The following FHIT variants were observed in gnomAD, a reference collection of about 807,000 sequenced individuals.
FHIT encodes the protein bis(5'-adenosyl)-triphosphatase.
FHIT carries 19 observed loss-of-function variants against 17.9 expected under a neutral mutation model. The ratio of observed to expected loss-of-function variants is 1.06; its 90% CI spans 0.74 to 1.56. FHIT has a LOEUF of 1.56. Among genes scored for constraint, FHIT ranks in the 40% most tolerant of loss-of-function variants. The pLI, the probability that FHIT is intolerant of heterozygous loss-of-function variation, is 0.00. For synonymous variants in FHIT, 81 were observed against 69.7 expected (o/e 1.16, Z -0.81); for missense variants, 248 against 189.2 (o/e 1.31, Z -1.82).
chr3:60,648,505 G>A lies in FHIT; in HGVS notation c.-17-111526C>T, dbSNP rs369882704. Among the ~76,000 whole-genome samples, 3 of 152,178 alleles carry A rather than the reference G, an allele frequency of 2.0e-5. No homozygotes were observed. The East Asian group carries it at 5.8e-4, about 29-fold the overall frequency. On this transcript the variant is annotated intron_variant, in intron 4 of 9. Coordinates refer to ENST00000492590, the MANE Select transcript of FHIT (RefSeq NM_002012.4). ...GGAGTTGGGGGTGAAGGATTTGGGG[G>A]AGGGTAGAAGCCTAAAGCAAAGGAA...
chr3:59,948,725 C>T (rs113557064), intron 7 of FHIT, among the ~76,000 whole-genome samples: 56 of 152,008 alleles, frequency 3.7e-4, no homozygotes, highest in East Asian at 1.2e-3. Context: ...GGGCTGGTGA[C>T]GTTGAGTATC....
chr3:60,655,664 T>C (rs1207523765), intron 4 of FHIT, among the ~76,000 whole-genome samples: 1 of 152,104 alleles, frequency 6.6e-6, no homozygotes, highest in Non-Finnish European at 1.5e-5. Flanking sequence ...ATTTATTCTG[T>C]ATTCTCCTCG....
At chr3:60,208,217 T>C (rs1326645810) in intron 5 of FHIT, among the ~76,000 whole-genome samples, 1 of 152,192 alleles carries the variant, frequency 6.6e-6, no homozygotes, top group East Asian at 1.9e-4. Context: ...GCTGAGGAAA[T>C]TTCCACTGCC....
intron 2 of FHIT, among the ~76,000 whole-genome samples, chr3:61,134,451 G>A (rs2036856056): frequency 6.6e-6 from 1 of 152,084 alleles, no homozygotes; most frequent in African/African-American, 2.4e-5. Context: ...ATGGTCTGTG[G>A]GCCCACAGGA....
intron 3 of FHIT, among the ~76,000 whole-genome samples, chr3:60,984,109 G>A (rs9836650): frequency 0.013 from 1,974 of 152,262 alleles, 38 homozygotes; most frequent in African/African-American, 0.044. Context: ...TGCAGGAAAA[G>A]AGAATGCCAT....
rs185705147 is a variant in FHIT, at chr3:60,246,413, C to T, written c.104-232261G>A. Among the ~76,000 whole-genome samples the T allele has an allele frequency of 4.6e-5, 7 of 152,096 alleles. No homozygotes were observed. The East Asian group carries it at 1.4e-3, about 29-fold the overall frequency. On this transcript the variant is annotated intron_variant, in intron 5 of 9. Coordinates refer to ENST00000492590, the MANE Select transcript of FHIT (RefSeq NM_002012.4). The stretch of plus-strand genomic sequence containing the variant: ...TCTCTTTTACTTTACAAACTAGAAA[C>T]AAACAGTTCACAGGTTTCTTAACAT...
chr3:60,663,469 CTT>C (rs2040310000), intron 4 of FHIT, among the ~76,000 whole-genome samples: 1 of 151,740 alleles, frequency 6.6e-6, no homozygotes, highest in Admixed American at 6.6e-5. Context: ...GAATTTCACT[CTT>C]GTTGCCCAGG....
chr3:60,307,291 T>C (rs1231073857), intron 5 of FHIT, among the ~76,000 whole-genome samples: 2 of 152,176 alleles, frequency 1.3e-5, no homozygotes, highest in African/African-American at 4.8e-5. Context: ...ACACACCATC[T>C]TGTCATTTGA....
At chr3:60,739,244 G>A (rs2042196427) in intron 4 of FHIT, among the ~76,000 whole-genome samples, 1 of 152,226 alleles carries the variant, frequency 6.6e-6, no homozygotes, top group African/African-American at 2.4e-5. Context: ...TTGGGATACA[G>A]AAAGCTGTCA....
chr3:59,778,549 C>T (rs1023992852), intron 8 of FHIT, among the ~76,000 whole-genome samples: 8 of 152,156 alleles, frequency 5.3e-5, no homozygotes, highest in African/African-American at 1.7e-4. Flanking sequence ...ATGGTCTCTG[C>T]CACAAATACT....
At chr3:61,062,000 T>C (rs1389742509) in intron 2 of FHIT, among the ~76,000 whole-genome samples, 1 of 152,192 alleles carries the variant, frequency 6.6e-6, no homozygotes, top group Non-Finnish European at 1.5e-5. Flanking sequence ...TGTCAATTCA[T>C]AGAGATGCTT....
At chr3:59,957,995 C>T (rs1467667351) in intron 7 of FHIT, among the ~76,000 whole-genome samples, 1 of 152,182 alleles carries the variant, frequency 6.6e-6, no homozygotes, top group Non-Finnish European at 1.5e-5. Context: ...GTGTGTGTAA[C>T]TGTGTGGGAA....
chr3:60,772,173 T>C (rs922174435), intron 4 of FHIT, among the ~76,000 whole-genome samples: 2 of 151,820 alleles, frequency 1.3e-5, no homozygotes, highest in Non-Finnish European at 2.9e-5. Context: ...AAAGTTGCAG[T>C]TGGAATTTGG....
At chr3:60,686,096 C>A (rs958845333) in intron 4 of FHIT, among the ~76,000 whole-genome samples, 2 of 152,026 alleles carry the variant, frequency 1.3e-5, no homozygotes, top group Admixed American at 6.6e-5. Flanking sequence ...ATATGGACTT[C>A]GGGATTGGAT....
intron 8 of FHIT, among the ~76,000 whole-genome samples, chr3:59,829,513 C>T (rs1342213841): frequency 6.6e-6 from 1 of 152,200 alleles, no homozygotes. Context: ...CTGCCTTACT[C>T]ATAGCACTGA....
intron 1 of FHIT, among the ~76,000 whole-genome samples, chr3:61,210,947 C>G (rs944629165): frequency 6.6e-6 from 1 of 151,984 alleles, no homozygotes; most frequent in South Asian, 2.1e-4. Flanking sequence ...CATCTTGGCT[C>G]CATCCCCCGT....
chr3:60,895,954 C>CTGG (rs1553761841), intron 3 of FHIT, among the ~76,000 whole-genome samples: 1 of 151,850 alleles, frequency 6.6e-6, no homozygotes. Flanking sequence ...AGGCTGCAGA[C>CTGG]TGGTACCAGT....
chr3:61,212,831 G>T (rs1038538162), intron 1 of FHIT, among the ~76,000 whole-genome samples: 1 of 152,226 alleles, frequency 6.6e-6, no homozygotes, highest in Non-Finnish European at 1.5e-5. Flanking sequence ...AGCCAGAAGA[G>T]AGTGGAGGAG....
chr3:60,465,695 G>T (rs988279198), intron 5 of FHIT, among the ~76,000 whole-genome samples: 2 of 152,006 alleles, frequency 1.3e-5, no homozygotes, highest in Non-Finnish European at 2.9e-5. Context: ...AAATGAGTTT[G>T]CTGTAGATGT....
Sources: allele counts gnomAD v4.1 joint callset (sites outside exome capture counted in the v4.1 genomes callset), GRCh38; gene constraint gnomAD v4.1.1; transcripts MANE v1.5; gene names NCBI Gene and HGNC (gene_info 2026-07-23, HGNC 2026-07-21).